TENM3: variants seen among roughly 807,000 people sequenced by gnomAD.
The protein encoded by TENM3 is teneurin-3.
Under a neutral mutation model 255.1 loss-of-function variants are expected in TENM3, and 63 were observed. That is an observed-to-expected ratio of 0.25 (90% CI 0.20 to 0.30). The LOEUF is 0.30. Ranked by LOEUF, TENM3 falls within the 10% of genes least tolerant of loss-of-function variation. The probability of loss-of-function intolerance (pLI) is 1.00; values close to 1 mark genes in which losing one functional copy is unlikely to be tolerated. For synonymous variants in TENM3, 1,306 were observed against 1,322.3 expected (o/e 0.99, Z 0.27); for missense variants, 2,929 against 3,461.1 (o/e 0.85, Z 3.86).
At chr4:181,529,527 T>C in the TENM3 span, among the ~76,000 whole-genome samples, 7 of 152,342 alleles carry the variant, frequency 4.6e-5, no homozygotes, top group East Asian at 9.6e-4. Flanking sequence ...AACTTACAAC[T>C]GACAGCCTAA....
intron 1 of TENM3, among the ~76,000 whole-genome samples, chr4:182,259,316 GTATT>G (rs1451985406): frequency 5.9e-5 from 9 of 152,046 alleles, no homozygotes; most frequent in Admixed American, 2.6e-4. Flanking sequence ...CCTTTATTAT[GTATT>G]TATTTATTTA....
At chr4:181,766,983 T>C in the TENM3 span, among the ~76,000 whole-genome samples, 22 of 151,622 alleles carry the variant, frequency 1.5e-4, 1 homozygote, top group South Asian at 1.0e-3. Flanking sequence ...CCGGGCGCAG[T>C]GGCTCACGCC....
intron 3 of TENM3, among the ~76,000 whole-genome samples, chr4:182,496,476 G>A (rs1378010114): frequency 6.6e-6 from 1 of 152,056 alleles, no homozygotes; most frequent in Non-Finnish European, 1.5e-5. Flanking sequence ...TGATGTGTGT[G>A]TCTTGGGTTA....
chr4:181,841,472 T>G, the TENM3 span, among the ~76,000 whole-genome samples: 1 of 152,158 alleles, frequency 6.6e-6, no homozygotes, highest in Non-Finnish European at 1.5e-5. Flanking sequence ...AAATAAATAA[T>G]GCTCTTTGTT....
intron 16 of TENM3, among the ~76,000 whole-genome samples, chr4:182,734,865 G>T (rs1009438237): frequency 6.6e-5 from 10 of 152,168 alleles, no homozygotes; most frequent in African/African-American, 2.4e-4. Context: ...GCTTCTGGAA[G>T]GTCACAGGAA....
intron 6 of TENM3, among the ~76,000 whole-genome samples, chr4:182,672,538 G>A (rs989567952): frequency 1.3e-5 from 2 of 152,060 alleles, no homozygotes; most frequent in South Asian, 2.1e-4. Context: ...ACATGAATCC[G>A]AGCCATCAGT....
the TENM3 span, among the ~76,000 whole-genome samples, chr4:181,520,701 G>A: frequency 1.3e-5 from 2 of 152,212 alleles, no homozygotes; most frequent in East Asian, 3.9e-4. Context: ...CTTTTCTTTT[G>A]AACAGATGGA....
At chr4:182,742,520 C>T (rs1435877141) in intron 18 of TENM3, among the ~76,000 whole-genome samples, 3 of 152,164 alleles carry the variant, frequency 2.0e-5, no homozygotes, top group Admixed American at 6.5e-5. Context: ...CCTGTATTAT[C>T]GTTACAGCTT....
intron 1 of TENM3, among the ~76,000 whole-genome samples, chr4:182,262,874 C>T (rs891638608): frequency 2.0e-4 from 31 of 152,030 alleles, no homozygotes; most frequent in Admixed American, 9.8e-4. Context: ...CCACCACGCC[C>T]GGCTAATTGT....
chr4:181,664,574 C>T, the TENM3 span, among the ~76,000 whole-genome samples: 3 of 152,150 alleles, frequency 2.0e-5, no homozygotes, highest in African/African-American at 7.2e-5. Flanking sequence ...GATAACCCGA[C>T]GTGTTATTAG....
chr4:182,413,671 A>G (rs994073484), intron 3 of TENM3, among the ~76,000 whole-genome samples: 1 of 152,180 alleles, frequency 6.6e-6, no homozygotes, highest in Non-Finnish European at 1.5e-5. Flanking sequence ...AAGTGTTCTC[A>G]TGAGCACTGA....
chr4:181,546,031 A>C, the TENM3 span, among the ~76,000 whole-genome samples: 1 of 152,188 alleles, frequency 6.6e-6, no homozygotes, highest in Non-Finnish European at 1.5e-5. Flanking sequence ...AAGCTTTCAC[A>C]CACGGCCTGT....
chr4:181,770,255 A>T, the TENM3 span, among the ~76,000 whole-genome samples: 1 of 152,304 alleles, frequency 6.6e-6, no homozygotes, highest in African/African-American at 2.4e-5. Context: ...AGAGAATGTG[A>T]CTATTCATAA....
chr4:182,741,244 C>T (rs1037432454), intron 18 of TENM3, among the ~76,000 whole-genome samples: 2 of 152,108 alleles, frequency 1.3e-5, no homozygotes, highest in Non-Finnish European at 2.9e-5. Flanking sequence ...ACAGGGTGAA[C>T]AGATTGCAGT....
the TENM3 span, among the ~76,000 whole-genome samples, chr4:181,912,075 A>G: frequency 2.9e-3 from 448 of 152,352 alleles, 1 homozygote; most frequent in African/African-American, 1.0e-2. Flanking sequence ...GTACTTTAAT[A>G]AAAGCAGAGA....
chr4:182,437,126 A>G (rs543221206), intron 3 of TENM3, among the ~76,000 whole-genome samples: 99 of 152,308 alleles, frequency 6.5e-4, no homozygotes, highest in African/African-American at 2.4e-3. Flanking sequence ...TACTATCTTA[A>G]CACACCAAAT....
At chr4:181,712,145 G>A in the TENM3 span, among the ~76,000 whole-genome samples, 31 of 152,246 alleles carry the variant, frequency 2.0e-4, no homozygotes, top group African/African-American at 7.2e-4. Context: ...CAAGATCAAA[G>A]GAAGGAGCAT....
chr4:182,420,415 C>G (rs760632961), intron 3 of TENM3, among the ~76,000 whole-genome samples: 8 of 152,078 alleles, frequency 5.3e-5, no homozygotes, highest in Non-Finnish European at 1.0e-4. Flanking sequence ...TCAGTCACCA[C>G]ACACACACGA....
the TENM3 span, among the ~76,000 whole-genome samples, chr4:182,121,691 G>C: frequency 6.6e-6 from 1 of 152,138 alleles, no homozygotes; most frequent in Admixed American, 6.6e-5. Flanking sequence ...AAGATCATTG[G>C]AGCCTTCAGC....
Sources: allele counts gnomAD v4.1 joint callset (sites outside exome capture counted in the v4.1 genomes callset), GRCh38; gene constraint gnomAD v4.1.1; transcripts MANE v1.5; gene names NCBI Gene and HGNC (gene_info 2026-07-23, HGNC 2026-07-21).